Variants in MARCHF1 observed in about 807,000 individuals in gnomAD.
MARCHF1 encodes the protein membrane associated ring-CH-type finger 1.
Under a neutral mutation model 54.2 loss-of-function variants are expected in MARCHF1, and 40 were observed. The ratio of observed to expected loss-of-function variants is 0.74; its 90% CI spans 0.57 to 0.96. MARCHF1 has a LOEUF of 0.96. Among genes scored for constraint, MARCHF1 ranks in the 40% least tolerant of loss-of-function variants. MARCHF1 has a pLI of 0.00. For synonymous variants in MARCHF1, 236 were observed against 236.3 expected (o/e 1.00, Z 0.01); for missense variants, 586 against 656.5 (o/e 0.89, Z 1.17).
intron 8 of MARCHF1, among the ~76,000 whole-genome samples, chr4:163,554,720 G>C (rs894229852): frequency 5.3e-5 from 8 of 152,140 alleles, no homozygotes; most frequent in African/African-American, 1.9e-4. Flanking sequence ...ATAGTAAACA[G>C]GGAAGTAAAC....
At chr4:163,888,803 G>A (rs1003737720) in intron 3 of MARCHF1, among the ~76,000 whole-genome samples, 1 of 152,048 alleles carries the variant, frequency 6.6e-6, no homozygotes, top group Non-Finnish European at 1.5e-5. Context: ...CCTCTTCTTG[G>A]AGATCATAGC....
intron 4 of MARCHF1, among the ~76,000 whole-genome samples, chr4:163,814,622 A>G (rs1416864580): frequency 6.6e-6 from 1 of 152,216 alleles, no homozygotes; most frequent in African/African-American, 2.4e-5. Context: ...CTGTGGTAAC[A>G]TATGATTTAG....
intron 3 of MARCHF1, among the ~76,000 whole-genome samples, chr4:163,859,463 G>A (rs981194322): frequency 6.6e-5 from 10 of 151,150 alleles, no homozygotes; most frequent in Admixed American, 1.3e-4. Context: ...AGGTTCAAGC[G>A]ATTCTCCTGC....
At chr4:164,155,561 C>A (rs891720488) in intron 1 of MARCHF1, among the ~76,000 whole-genome samples, 3 of 152,020 alleles carry the variant, frequency 2.0e-5, no homozygotes, top group African/African-American at 7.3e-5. Flanking sequence ...TTAGGAATTT[C>A]TATTAAAAGA....
At chr4:163,584,052 A>G (rs1226732991) in intron 8 of MARCHF1, 1 of 150,972 alleles carries the variant, frequency 6.6e-6, no homozygotes, top group African/African-American at 2.4e-5. Flanking sequence ...TTCCTAAGAG[A>G]GTTGTAAATT....
intron 5 of MARCHF1, among the ~76,000 whole-genome samples, chr4:163,657,353 G>A (rs1335314286): frequency 6.6e-6 from 1 of 151,914 alleles, no homozygotes; most frequent in Non-Finnish European, 1.5e-5. Flanking sequence ...AGCTAAGAAG[G>A]GAAGTGAAGG....
intron 3 of MARCHF1, among the ~76,000 whole-genome samples, chr4:163,858,342 C>G (rs10517792): frequency 0.15 from 22,277 of 152,064 alleles, 1,843 homozygotes; most frequent in Admixed American, 0.23. Flanking sequence ...TTGCCTACCT[C>G]TATTTATCTC....
intron 1 of MARCHF1, among the ~76,000 whole-genome samples, chr4:164,310,999 T>A (rs116396985): frequency 6.6e-6 from 1 of 152,172 alleles, no homozygotes; most frequent in Admixed American, 6.5e-5. Context: ...CTTCTTATGA[T>A]GCTCTTAGAA....
intron 1 of MARCHF1, among the ~76,000 whole-genome samples, chr4:164,288,750 A>G (rs1239804719): frequency 6.6e-6 from 1 of 152,092 alleles, no homozygotes; most frequent in Non-Finnish European, 1.5e-5. Context: ...ACATTTCTAG[A>G]GACCTACTCG....
intron 3 of MARCHF1, among the ~76,000 whole-genome samples, chr4:163,929,098 T>G (rs1345324566): frequency 6.6e-6 from 1 of 152,052 alleles, no homozygotes; most frequent in Non-Finnish European, 1.5e-5. Flanking sequence ...TAATAGAGCT[T>G]AAGTAGGATA....
intron 2 of MARCHF1, among the ~76,000 whole-genome samples, chr4:164,093,590 G>A (rs1013307229): frequency 2.0e-5 from 3 of 152,098 alleles, no homozygotes; most frequent in Non-Finnish European, 4.4e-5. Flanking sequence ...TTCAATTAGG[G>A]TTGAATATTA....
intron 1 of MARCHF1, among the ~76,000 whole-genome samples, chr4:164,129,179 AT>A (rs1190361243): frequency 6.6e-6 from 1 of 152,176 alleles, no homozygotes; most frequent in African/African-American, 2.4e-5. Flanking sequence ...AGAACTGTGG[AT>A]TTTTGTGTGG....
At chr4:163,901,300 G>A (rs1750935792) in intron 3 of MARCHF1, among the ~76,000 whole-genome samples, 1 of 152,140 alleles carries the variant, frequency 6.6e-6, no homozygotes, top group Non-Finnish European at 1.5e-5. Flanking sequence ...GTACACAGAG[G>A]ATTTCAATAG....
At chr4:163,795,877 G>A (rs72685623) in intron 4 of MARCHF1, among the ~76,000 whole-genome samples, 7,914 of 152,056 alleles carry the variant, frequency 0.052, 257 homozygotes, top group South Asian at 0.1. Context: ...AGTTGATTAA[G>A]ACATATTTTG....
rs1731095005 is a variant in MARCHF1, at chr4:164,190,453, T to C, written c.-322-78791A>G. 3 of 384,266 alleles carry C rather than the reference T, an allele frequency of 7.8e-6. No individual in the cohort carries two copies. In the East Asian group the frequency reaches 1.4e-4, roughly 18 times the overall value. The allele number at this position is 384,266 out of a possible 1,614,324, so 23.8% of individuals were successfully genotyped here. On this transcript the variant is annotated intron_variant, in intron 1 of 9. Coordinates refer to ENST00000514618, the MANE Select transcript of MARCHF1 (RefSeq NM_001394959.1). ...TTGGAATTGTCACCTCAGAGTGGAG[T>C]TGAAAATGCTATAGCCCAAGTGGCT...
At chr4:164,005,734 C>T (rs1359620290) in intron 2 of MARCHF1, among the ~76,000 whole-genome samples, 1 of 152,092 alleles carries the variant, frequency 6.6e-6, no homozygotes, top group Admixed American at 6.5e-5. Context: ...GGAAACAATG[C>T]TCTATAACTT....
chr4:164,270,395 C>A (rs1226859080), intron 1 of MARCHF1, among the ~76,000 whole-genome samples: 2 of 152,174 alleles, frequency 1.3e-5, no homozygotes, highest in Admixed American at 6.5e-5. Flanking sequence ...CTTCATTTAT[C>A]ATTCCTTGAC....
chr4:164,016,685 AG>A (rs1183653805), intron 2 of MARCHF1, among the ~76,000 whole-genome samples: 8 of 152,156 alleles, frequency 5.3e-5, no homozygotes, highest in Non-Finnish European at 1.0e-4. Flanking sequence ...GAATAAAGAC[AG>A]GATGGTTAAT....
chr4:163,637,986 G>C (rs199888742), intron 5 of MARCHF1, among the ~76,000 whole-genome samples: 7 of 147,718 alleles, frequency 4.7e-5, no homozygotes, highest in Non-Finnish European at 7.5e-5. Context: ...GTAAACTATC[G>C]CAAGAACAAA....
Sources: gnomAD v4.1 joint callset for allele counts (sites outside exome capture counted in the v4.1 genomes callset) on GRCh38, gnomAD v4.1.1 for gene constraint, MANE v1.5 for transcripts, NCBI Gene and HGNC (gene_info 2026-07-23, HGNC 2026-07-21) for gene names.